AAMDC: variants seen among roughly 807,000 people sequenced by gnomAD.
The protein encoded by AAMDC is mth938 domain-containing protein.
Under a neutral mutation model 15.5 loss-of-function variants are expected in AAMDC, and 16 were observed. The ratio of observed to expected loss-of-function variants is 1.03; its 90% CI spans 0.70 to 1.57. AAMDC has a LOEUF of 1.57. Among genes scored for constraint, AAMDC ranks in the 40% most tolerant of loss-of-function variants. AAMDC has a pLI of 0.00. For synonymous variants in AAMDC, 51 were observed against 51.6 expected (o/e 0.99, Z 0.05); for missense variants, 141 against 144.9 (o/e 0.97, Z 0.14).
intron 2 of AAMDC, among the ~76,000 whole-genome samples, chr11:77,863,248 T>G (rs1950959818): frequency 6.6e-6 from 1 of 152,132 alleles, no homozygotes; most frequent in African/African-American, 2.4e-5. Context: ...AAGCCTTTAT[T>G]TAGCCCAATC....
chr11:77,821,418 GTC>G (rs1948894314), intron 1 of AAMDC, among the ~76,000 whole-genome samples, 177 bp downstream of exon 1: 1 of 152,178 alleles, frequency 6.6e-6, no homozygotes, highest in Non-Finnish European at 1.5e-5. Flanking sequence ...TCGGTAAGAT[GTC>G]TCTGTGGAAG....
chr11:77,847,460 G>C (rs1197249607), intron 2 of AAMDC, among the ~76,000 whole-genome samples: 1 of 152,188 alleles, frequency 6.6e-6, no homozygotes, highest in Admixed American at 6.5e-5. Flanking sequence ...GTTTTGAACT[G>C]CATGCACTCA....
At chr11:77,869,426 A>C (rs935452650) in intron 2 of AAMDC, among the ~76,000 whole-genome samples, 2 of 148,556 alleles carry the variant, frequency 1.3e-5, no homozygotes, top group African/African-American at 5.0e-5. Context: ...AATCCTCCCA[A>C]CTCAGCTCTC....
At chr11:77,872,474 G>C (rs61900171), downstream of AAMDC, 1 of 749,750 alleles carries the variant, frequency 1.3e-6, no homozygotes, top group African/African-American at 1.8e-5. Flanking sequence ...CAAGGTCCCT[G>C]TCCTTGAGGG....
chr11:77,875,739 A>G (rs766128363), downstream of AAMDC, among the ~76,000 whole-genome samples: 2 of 152,224 alleles, frequency 1.3e-5, no homozygotes, highest in Admixed American at 6.5e-5. Context: ...TTCCAAGCCC[A>G]TAAGAGACAC....
intron 5 of AAMDC, among the ~76,000 whole-genome samples, chr11:77,895,527 GAAAAAAAAAAAAAAAAAAAAAA>G (rs71046921): frequency 2.5e-5 from 1 of 39,260 alleles, no homozygotes; most frequent in South Asian, 1.4e-3. Context: ...TTCTTTTCCT[GAAAAAAAAAAAAAAAAAAAAAA>G]AAAAAAAAGT....
At chr11:77,830,883 G>A (rs570061787) in intron 1 of AAMDC, among the ~76,000 whole-genome samples, 1 of 150,422 alleles carries the variant, frequency 6.6e-6, no homozygotes, top group East Asian at 2.0e-4. Flanking sequence ...GCTCATACCT[G>A]TAATCCCATC....
intron 5 of AAMDC, among the ~76,000 whole-genome samples, chr11:77,892,547 A>C (rs1952318904): frequency 6.6e-6 from 1 of 152,184 alleles, no homozygotes; most frequent in Non-Finnish European, 1.5e-5. Context: ...AGCAAAAGTA[A>C]GGCATGAACT....
chr11:77,883,214 C>T lies in AAMDC; in HGVS notation c.328+6165C>T, dbSNP rs75649908. Reference sequence around the variant, plus strand: ...TTAAACACCTCCAGTAACAGTGCTCCTGAACCATCTCCAATTATTTGGGAA... The same window carrying T: ...TTAAACACCTCCAGTAACAGTGCTCTTGAACCATCTCCAATTATTTGGGAA... On this transcript the variant is annotated intron_variant, in intron 5 of 5. Coordinates refer to the AAMDC transcript ENST00000304716. 8.0e-4 allele frequency among the ~76,000 whole-genome samples: 122 copies of T among 152,230 alleles called. 1 individual carries two copies. The highest frequency in any genetic ancestry group is 2.8e-3 in the African/African-American group (117 of 41,536).
At chr11:77,899,206 T>C (rs916319335) in intron 5 of AAMDC, among the ~76,000 whole-genome samples, 1 of 152,060 alleles carries the variant, frequency 6.6e-6, no homozygotes, top group African/African-American at 2.4e-5. Context: ...AAAGTCAAGA[T>C]GTGAACCCAA....
intron 3 of AAMDC, among the ~76,000 whole-genome samples, chr11:77,871,848 A>T (rs1403407476): frequency 6.6e-6 from 1 of 152,232 alleles, no homozygotes; most frequent in African/African-American, 2.4e-5. Context: ...ATTTACAGAC[A>T]TGAAAACAAA....
chr11:77,879,546 G>C (rs1328409098), intron 5 of AAMDC, among the ~76,000 whole-genome samples: 3 of 152,196 alleles, frequency 2.0e-5, no homozygotes, highest in Non-Finnish European at 4.4e-5. Flanking sequence ...ATGTACCACA[G>C]ACTACTTTAT....
At chr11:77,894,720 T>C (rs956072104) in intron 5 of AAMDC, among the ~76,000 whole-genome samples, 1 of 152,318 alleles carries the variant, frequency 6.6e-6, no homozygotes, top group Middle Eastern at 3.4e-3. Flanking sequence ...ATGGTCTCTA[T>C]ACCTACCTGA....
At chr11:77,878,677 T>C (rs1951675211) in intron 5 of AAMDC, 1 of 672,704 alleles carries the variant, frequency 1.5e-6, no homozygotes, top group Non-Finnish European at 2.7e-6. Flanking sequence ...AAGCTGAAGC[T>C]ATAGCCACAC....
At chr11:77,874,176 C>T (rs956642058), downstream of AAMDC, among the ~76,000 whole-genome samples, 1 of 152,182 alleles carries the variant, frequency 6.6e-6, no homozygotes, top group Admixed American at 6.5e-5. Flanking sequence ...TAGAAGCAGA[C>T]GGGAGTGAGT....
intron 5 of AAMDC, among the ~76,000 whole-genome samples, chr11:77,882,988 C>T (rs185768594): frequency 1.3e-5 from 2 of 152,186 alleles, no homozygotes; most frequent in Middle Eastern, 6.8e-3. Flanking sequence ...AGGAGAAGCA[C>T]CTGAACCCAG....
At chr11:77,838,286 T>C (rs1949779500) in intron 1 of AAMDC, among the ~76,000 whole-genome samples, 1 of 152,222 alleles carries the variant, frequency 6.6e-6, no homozygotes, top group Admixed American at 6.5e-5. Flanking sequence ...AATACTAATC[T>C]AAGTGTTGCT....
downstream of AAMDC, chr11:77,876,895 A>C (rs376988193): frequency 1.6e-5 from 11 of 684,984 alleles, no homozygotes; most frequent in African/African-American, 8.9e-5. Flanking sequence ...GGTTTTCTAT[A>C]ATTACAGCAC....
intron 5 of AAMDC, chr11:77,879,104 G>C (rs543195366): frequency 6.2e-7 from 1 of 1,614,182 alleles, no homozygotes; most frequent in Admixed American, 1.7e-5. Flanking sequence ...GCCAGCAGCA[G>C]CCTCACTTCC....
Sources: gnomAD v4.1 joint callset for allele counts (sites outside exome capture counted in the v4.1 genomes callset) on GRCh38, gnomAD v4.1.1 for gene constraint, MANE v1.5 for transcripts, NCBI Gene and HGNC (gene_info 2026-07-23, HGNC 2026-07-21) for gene names.